The following PTPN13 variants were observed in gnomAD, a reference collection of about 807,000 sequenced individuals.
The protein encoded by PTPN13 is tyrosine-protein phosphatase non-receptor type 13.
In PTPN13, 191 loss-of-function variants were observed where a neutral mutation model predicts 284.0. The ratio of observed to expected loss-of-function variants is 0.67; its 90% CI spans 0.60 to 0.76. The LOEUF (loss-of-function observed/expected upper bound fraction) is 0.76, where lower values mean the gene tolerates loss of function less well. PTPN13 is among the 30% of genes least tolerant of loss of function. PTPN13 has a pLI of 0.00. For missense variants in PTPN13, 2,797 were observed against 2,939.9 expected (o/e 0.95, Z 1.12); for synonymous variants, 986 against 1,022.3 (o/e 0.96, Z 0.68).
chr4:86,764,658 T>G lies in PTPN13; in HGVS notation c.4083T>G (p.Pro1361=). The G allele has an allele frequency of 6.2e-7, 1 of 1,602,766 alleles. No individual in the cohort carries two copies. Among genetic ancestry groups the G allele is most frequent in the Non-Finnish European group, 8.5e-7 (1 of 1,175,314 alleles). Residue 1361 remains proline (P), a synonymous_variant, in exon 25 of 48, where the codon CCT becomes CCG. Transcript: ENST00000411767. ...TTAAAACTTTTTCTTCATCACCTCC[T>G]AAGCCTGGAGATATCTTTGAGGTTG... is the stretch of plus-strand genomic sequence containing the variant. The part of the protein sequence containing the change: ...MNFKTFSSSP[P]KPGDIFEVEL...
intron 6 of PTPN13, among the ~76,000 whole-genome samples, chr4:86,694,928 C>T (rs571190460): frequency 1.3e-5 from 2 of 151,750 alleles, no homozygotes; most frequent in Non-Finnish European, 3.0e-5. Flanking sequence ...TTAATCAGAG[C>T]ATCAGAGAAA....
chr4:86,721,928 G>A (rs546270939), intron 9 of PTPN13, among the ~76,000 whole-genome samples: 1 of 151,564 alleles, frequency 6.6e-6, no homozygotes, highest in Admixed American at 6.6e-5. Flanking sequence ...GTATTTTTTT[G>A]TAGAGACAGG....
chr4:86,803,560 T>G (rs2149373885), intron 42 of PTPN13, 149 bp from the exon 43 acceptor site: 2 of 801,816 alleles, frequency 2.5e-6, no homozygotes, highest in East Asian at 5.4e-5. Flanking sequence ...AGAACTGCAC[T>G]CCATCGTAGG....
At chr4:86,689,392 GTGAGAATTATTCC>G (rs1371061189) in intron 5 of PTPN13, among the ~76,000 whole-genome samples, 3 of 152,092 alleles carry the variant, frequency 2.0e-5, no homozygotes, top group African/African-American at 4.8e-5. Flanking sequence ...TCTAGATTTT[GTGAGAATTATTCC>G]CAAAAATATC....
At chr4:86,640,259 G>A (rs2148752743) in intron 2 of PTPN13, among the ~76,000 whole-genome samples, 1 of 152,116 alleles carries the variant, frequency 6.6e-6, no homozygotes, top group African/African-American at 2.4e-5. Context: ...AAAAATCTGG[G>A]TGTTTTAAAT....
intron 40 of PTPN13, among the ~76,000 whole-genome samples, chr4:86,787,712 A>G (rs986094672): frequency 2.6e-5 from 4 of 151,678 alleles, no homozygotes; most frequent in Non-Finnish European, 5.9e-5. Flanking sequence ...ATATTTGTAT[A>G]CATACATAAT....
Position 86,745,074 on chromosome 4 carries a change from A to G in PTPN13, c.2596A>G (p.Lys866Glu). Residue 866 changes from lysine to glutamate, a missense_variant, in exon 17 of 48, where the codon AAG becomes GAG. Physicochemically the swap from Lys to Glu is moderately conservative, Grantham distance 56. Transcript: ENST00000411767. The part of the protein sequence containing the change: ...YLLHLCSYQH[K>E]FQLQMRARQS... ...GCTGCACCTCTGCTCTTACCAGCAT[A>G]AGTTCCAGCTACAGATGAGAGCAAG... 6.2e-7 allele frequency: 1 copy of G among 1,612,858 alleles called. No homozygotes were observed. The highest frequency in any genetic ancestry group is 1.1e-5 in the South Asian group (1 of 90,616).
chr4:86,669,913 C>T (rs1394378109), intron 2 of PTPN13, among the ~76,000 whole-genome samples: 1 of 152,016 alleles, frequency 6.6e-6, no homozygotes, highest in Admixed American at 6.6e-5. Context: ...ATCCCAGCTT[C>T]CTAACTTAGA....
rs1734320004 is a variant in PTPN13, at chr4:86,726,887, T to C, written c.1608+4453T>C. 1.3e-5 allele frequency among the ~76,000 whole-genome samples: 2 copies of C among 149,600 alleles called. 1 individual carries two copies. The highest frequency in any genetic ancestry group is 3.0e-5 in the Non-Finnish European group (2 of 66,682). ...GGTGAGAGAGGGCATCCTTGTCTTG[T>C]GCTGGATTTCAAAGGGAATGCTTCC... is the stretch of plus-strand genomic sequence containing the variant. On this transcript the variant is annotated intron_variant, in intron 10 of 47. Coordinates refer to ENST00000411767, the MANE Select transcript of PTPN13 (RefSeq NM_080683.3).
In PTPN13 at chr4:86,771,649, G is replaced by T; in HGVS notation, c.5168+114G>T. The T allele has an allele frequency of 2.6e-6, 3 of 1,159,218 alleles. No individual in the cohort carries two copies. The South Asian group carries it at 5.0e-5, about 19-fold the overall frequency. The allele number at this position is 1,159,218 out of a possible 1,614,324, so 71.8% of individuals were successfully genotyped here. On this transcript the variant is annotated intron_variant, in intron 31 of 47. Coordinates refer to ENST00000411767, the MANE Select transcript of PTPN13 (RefSeq NM_080683.3). Reference sequence around the variant, plus strand: ...GTATGTATCTGTGACCTTCACAGTGGTTAGGCAGAGGATGACTCTATTGGA... The same window carrying T: ...GTATGTATCTGTGACCTTCACAGTGTTTAGGCAGAGGATGACTCTATTGGA...
At chr4:86,680,288 T>TA (rs993785434) in intron 3 of PTPN13, among the ~76,000 whole-genome samples, 10 of 152,152 alleles carry the variant, frequency 6.6e-5, no homozygotes, top group African/African-American at 2.2e-4. Flanking sequence ...CTACAGGACT[T>TA]ATATTAATGA....
chr4:86,809,556 G>C (rs749802494), intron 45 of PTPN13, among the ~76,000 whole-genome samples: 1 of 152,088 alleles, frequency 6.6e-6, no homozygotes, highest in Non-Finnish European at 1.5e-5. Context: ...AAATTAGCTG[G>C]GTGTGGCAAT....
At chr4:86,704,629 G>A (rs1731528867) in intron 7 of PTPN13, among the ~76,000 whole-genome samples, 1 of 152,100 alleles carries the variant, frequency 6.6e-6, no homozygotes, top group African/African-American at 2.4e-5. Flanking sequence ...ATCATTTCCA[G>A]ATTTAGAAAT....
chr4:86,718,455 C>CTTTTTTTTTTTTTTTTTTTTTTTT lies in PTPN13; in HGVS notation c.1385+1351_1385+1352insTTTTTTTTTTTTTTTTTTTTTTTT, dbSNP rs796389778. 2.2e-3 allele frequency among the ~76,000 whole-genome samples: 304 copies of CTTTTTTTTTTTTTTTTTTTTTTTT among 140,014 alleles called. 12 individuals are homozygous for CTTTTTTTTTTTTTTTTTTTTTTTT. Among genetic ancestry groups the CTTTTTTTTTTTTTTTTTTTTTTTT allele is most frequent in the Non-Finnish European group, 3.4e-3 (212 of 62,674 alleles). 91.9% of individuals were successfully genotyped at this position (140,014 alleles called of 152,430 possible). ...AAATTATTCTTTAGTTAATGGTCCACTTTTTTTTTTTTTGAGACAGAGTCT... is the reference window on the plus strand; with the variant it reads ...AAATTATTCTTTAGTTAATGGTCCACTTTTTTTTTTTTTTTTTTTTTTTTTTTTTTTTTTTTTGAGACAGAGTCT... On this transcript the variant is annotated intron_variant, in intron 9 of 47. Transcript: ENST00000411767.
At position 86,717,099 on chromosome 4, in the gene PTPN13, G is replaced by A; in HGVS notation, c.1367G>A (p.Gly456Asp). 1 of 1,611,694 alleles carries A rather than the reference G, an allele frequency of 6.2e-7. No homozygotes were observed. Among genetic ancestry groups the A allele is most frequent in the South Asian group, 1.1e-5 (1 of 90,844 alleles). ...GGGGTAGATGAAACCTTAAGTCAAG[G>A]CCAGTCACAGAGACCGAGGTATGTC... ...LPGVDETLSQGQSQRPSRQYE... is the reference protein window; with the variant it reads ...LPGVDETLSQDQSQRPSRQYE... The change falls in exon 9 of 48, where the codon GGC becomes GAC. Residue 456 changes from glycine to aspartate, a missense_variant. Gly to Asp is a moderately conservative substitution (Grantham distance 94). Coordinates refer to ENST00000411767, the MANE Select transcript of PTPN13 (RefSeq NM_080683.3).
At chr4:86,699,844 G>A (rs1429232277) in intron 6 of PTPN13, among the ~76,000 whole-genome samples, 6 of 151,952 alleles carry the variant, frequency 3.9e-5, no homozygotes, top group Non-Finnish European at 8.8e-5. Context: ...TCCAAATGTG[G>A]TTTGTTTAAG....
In PTPN13 at chr4:86,780,431, A is replaced by G. The variant is rs748183541; in HGVS notation, c.5921A>G (p.Lys1974Arg). ...GATCTTCCAGTGGTCCCCAGCTCAA[A>G]GAGGTCTGCTGTTTCAGCTCCAAAG... is the stretch of plus-strand genomic sequence containing the variant. ...RNDLPVVPSS[K>R]RSAVSAPKST... is the part of the protein sequence containing the mutation. Residue 1974 changes from lysine to arginine, a missense_variant, in exon 36 of 48, where the codon AAG becomes AGG. By Grantham distance (26) the Lys-to-Arg change is conservative. Transcript: ENST00000411767. 3 of 1,611,692 alleles carry G rather than the reference A, an allele frequency of 1.9e-6. No individual in the cohort carries two copies. Among genetic ancestry groups the G allele is most frequent in the Non-Finnish European group, 2.5e-6 (3 of 1,178,820 alleles).
intron 2 of PTPN13, among the ~76,000 whole-genome samples, chr4:86,640,846 A>G (rs1056627664): frequency 2.0e-5 from 3 of 152,308 alleles, no homozygotes; most frequent in East Asian, 3.9e-4. Flanking sequence ...TATAAAATTA[A>G]TTGTGAGGTA....
Position 86,732,487 on chromosome 4 carries a change from A to G in PTPN13, c.1683+13A>G. 6.3e-7 allele frequency: 1 copy of G among 1,596,348 alleles called. No individual in the cohort carries two copies. Reference sequence around the variant, plus strand: ...ACGGTCTATTCTTGTAAGTAATAAAACCAATTTGTGTCACTCTTAGAAAAT... The same window carrying G: ...ACGGTCTATTCTTGTAAGTAATAAAGCCAATTTGTGTCACTCTTAGAAAAT... On this transcript the variant is annotated intron_variant, in intron 11 of 47. Coordinates refer to ENST00000411767, the MANE Select transcript of PTPN13 (RefSeq NM_080683.3).
Sources: allele counts gnomAD v4.1 joint callset (sites outside exome capture counted in the v4.1 genomes callset), GRCh38; gene constraint gnomAD v4.1.1; transcripts MANE v1.5; gene names NCBI Gene and HGNC (gene_info 2026-07-23, HGNC 2026-07-21).